Variants in RBFOX1 observed in about 807,000 individuals in gnomAD.
RBFOX1 encodes RNA binding fox-1 homolog 1.
Under a neutral mutation model 57.7 loss-of-function variants are expected in RBFOX1, and 8 were observed. That is an observed-to-expected ratio of 0.14 (90% confidence interval 0.08 to 0.25). The LOEUF (loss-of-function observed/expected upper bound fraction) is 0.25. Ranked by LOEUF, RBFOX1 falls within the 10% of genes least tolerant of loss-of-function variation. RBFOX1 has a pLI of 1.00. For synonymous variants in RBFOX1, 326 were observed against 222.4 expected, an observed-to-expected ratio of 1.47 and a Z score of -4.15; for missense variants, 611 against 548.5, an observed-to-expected ratio of 1.11 and a Z score of -1.14.
chr16:6,625,274 T>A (rs925985807), intron 2 of RBFOX1, among the ~76,000 whole-genome samples: 1 of 150,642 alleles, frequency 6.6e-6, no homozygotes, highest in Non-Finnish European at 1.5e-5. Flanking sequence ...AGTGCTAAAG[T>A]GAGAAGGACA....
At chr16:6,874,977 A>G (rs369795744) in intron 3 of RBFOX1, among the ~76,000 whole-genome samples, 4 of 152,196 alleles carry the variant, frequency 2.6e-5, no homozygotes, top group East Asian at 3.9e-4. Flanking sequence ...TTCATAACCC[A>G]TGTTACTAAT....
chr16:6,995,855 A>G (rs774223578), intron 3 of RBFOX1, among the ~76,000 whole-genome samples: 4 of 152,242 alleles, frequency 2.6e-5, no homozygotes, highest in East Asian at 1.9e-4. Flanking sequence ...TTATAACTCA[A>G]CAGACAAGTA....
chr16:6,744,470 T>A (rs958663467), intron 3 of RBFOX1, among the ~76,000 whole-genome samples: 1 of 152,084 alleles, frequency 6.6e-6, no homozygotes, highest in African/African-American at 2.4e-5. Flanking sequence ...TTTTAATCAA[T>A]AAATTTAAGA....
chr16:7,018,378 T>C (rs1275546195), intron 3 of RBFOX1, among the ~76,000 whole-genome samples: 1 of 152,218 alleles, frequency 6.6e-6, no homozygotes. Context: ...TACTTCTTTC[T>C]AGATGCTTCT....
chr16:5,834,399 A>G (rs2056382846), intron 3 of RBFOX1, among the ~76,000 whole-genome samples: 1 of 152,192 alleles, frequency 6.6e-6, no homozygotes. Context: ...AATGGCCTCT[A>G]GTTCCATCCA....
chr16:5,497,780 T>C (rs7185181), intron 2 of RBFOX1, among the ~76,000 whole-genome samples: 35,600 of 152,002 alleles, frequency 0.23, 6,869 homozygotes, highest in African/African-American at 0.53. Flanking sequence ...TGAGATTCTG[T>C]TTCAAAATAA....
intron 4 of RBFOX1, among the ~76,000 whole-genome samples, chr16:5,874,502 T>C (rs1029300923): frequency 6.6e-6 from 1 of 151,678 alleles, no homozygotes; most frequent in African/African-American, 2.4e-5. Flanking sequence ...AGCAGAGATA[T>C]TTTTTTTTCT....
intron 5 of RBFOX1, among the ~76,000 whole-genome samples, chr16:7,525,750 A>G (rs1186721391): frequency 1.3e-5 from 2 of 152,176 alleles, no homozygotes; most frequent in African/African-American, 4.8e-5. Flanking sequence ...AGATCATGCT[A>G]GGCCCTCTTT....
chr16:7,317,207 G>A (rs1452301236), intron 4 of RBFOX1, among the ~76,000 whole-genome samples: 2 of 152,070 alleles, frequency 1.3e-5, no homozygotes, highest in Admixed American at 6.5e-5. Context: ...GGAGTAAAAC[G>A]TTTTGAAAAT....
chr16:5,607,956 G>T (rs139181764), intron 3 of RBFOX1, among the ~76,000 whole-genome samples: 245 of 152,310 alleles, frequency 1.6e-3, no homozygotes, highest in African/African-American at 5.8e-3. Flanking sequence ...GTTGTTTGTA[G>T]TTTGGGGCTA....
intron 1 of RBFOX1, among the ~76,000 whole-genome samples, chr16:6,065,077 G>A (rs998298162): frequency 1.3e-5 from 2 of 151,094 alleles, no homozygotes; most frequent in African/African-American, 4.9e-5. Flanking sequence ...ACCCAGGCTA[G>A]AGTATAATGG....
At chr16:5,778,698 G>A (rs2054228950) in intron 3 of RBFOX1, among the ~76,000 whole-genome samples, 1 of 152,084 alleles carries the variant, frequency 6.6e-6, no homozygotes, top group African/African-American at 2.4e-5. Flanking sequence ...ACTATTTAGG[G>A]TGGGGATCCC....
intron 5 of RBFOX1, among the ~76,000 whole-genome samples, chr16:7,523,365 C>T (rs1025586652): frequency 2.0e-5 from 3 of 152,166 alleles, no homozygotes; most frequent in African/African-American, 7.2e-5. Context: ...GAGAAATTTT[C>T]AAGTCAAGAG....
chr16:5,984,823 T>A (rs574023215), intron 4 of RBFOX1, among the ~76,000 whole-genome samples: 21 of 151,830 alleles, frequency 1.4e-4, no homozygotes, highest in African/African-American at 5.1e-4. Flanking sequence ...CGTTTTTCTG[T>A]ACTGAATACT....
chr16:5,880,660 T>C lies in RBFOX1; in HGVS notation c.351+13325T>C, dbSNP rs144063147. 1.9e-3 allele frequency among the ~76,000 whole-genome samples: 294 copies of C among 152,278 alleles called. 3 individuals carry two copies. The East Asian group carries it at 0.027, about 14-fold the overall frequency. ...TTTGGAATGAGTCTCTGTGTGTGTA[T>C]GGGATTGTGGATCCTGCAGATCCTA... On this transcript the variant is annotated intron_variant, in intron 4 of 19. Transcript: ENST00000641259.
At chr16:6,563,278 C>T (rs1337524921) in intron 2 of RBFOX1, among the ~76,000 whole-genome samples, 1 of 152,170 alleles carries the variant, frequency 6.6e-6, no homozygotes, top group Non-Finnish European at 1.5e-5. Flanking sequence ...TGTCTGTTGA[C>T]ATTATTCTTT....
intron 3 of RBFOX1, among the ~76,000 whole-genome samples, chr16:5,807,897 C>G (rs149198754): frequency 1.3e-5 from 2 of 152,292 alleles, no homozygotes; most frequent in Admixed American, 6.5e-5. Context: ...TGGACACTTT[C>G]CAGAACCACA....
chr16:6,409,413 TCAAAA>T (rs1226008753), intron 2 of RBFOX1, among the ~76,000 whole-genome samples: 1 of 152,188 alleles, frequency 6.6e-6, no homozygotes, highest in Non-Finnish European at 1.5e-5. Flanking sequence ...AAACCCGGTC[TCAAAA>T]CAAAACAAAA....
chr16:5,668,960 A>G (rs1361021088), intron 3 of RBFOX1, among the ~76,000 whole-genome samples: 2 of 152,190 alleles, frequency 1.3e-5, no homozygotes, highest in African/African-American at 2.4e-5. Flanking sequence ...CAGGATGCCT[A>G]TGTAGTAGTA....
Sources: gnomAD v4.1 joint callset for allele counts (sites outside exome capture counted in the v4.1 genomes callset) on GRCh38, gnomAD v4.1.1 for gene constraint, MANE v1.5 for transcripts, NCBI Gene and HGNC (gene_info 2026-07-23, HGNC 2026-07-21) for gene names.